PRKN: variants seen among roughly 807,000 people sequenced by gnomAD.
PRKN encodes the protein parkin RBR E3 ubiquitin protein ligase, also known as E3 ubiquitin-protein ligase parkin.
Under a neutral mutation model 59.5 loss-of-function variants are expected in PRKN, and 56 were observed. The observed-to-expected ratio is 0.94, with a 90% confidence interval of 0.76 to 1.18. The LOEUF (loss-of-function observed/expected upper bound fraction) is 1.18, where lower values mean the gene tolerates loss of function less well. PRKN is among the 50% of genes most tolerant of loss of function. The pLI is 0.00. For synonymous variants in PRKN, 250 were observed against 222.1 expected, an observed-to-expected ratio of 1.13 and a Z score of -1.12; for missense variants, 657 against 596.4, an observed-to-expected ratio of 1.10 and a Z score of -1.06.
chr6:161,517,238 G>A (rs1053464567), intron 9 of PRKN, among the ~76,000 whole-genome samples: 2 of 152,146 alleles, frequency 1.3e-5, no homozygotes, highest in African/African-American at 4.8e-5. Flanking sequence ...AGGGTTCCGT[G>A]TGACTGACCT....
chr6:162,263,247 G>A (rs1214733422), intron 2 of PRKN: 7 of 205,244 alleles, frequency 3.4e-5, no homozygotes, highest in South Asian at 1.6e-4. Context: ...ACCTGGCTAC[G>A]AAAAATATTC....
chr6:162,182,962 A>T (rs959751137), intron 4 of PRKN, among the ~76,000 whole-genome samples: 20 of 152,236 alleles, frequency 1.3e-4, no homozygotes, highest in African/African-American at 4.8e-4. Flanking sequence ...GTCATTTCTG[A>T]CACCTTTTTT....
At chr6:161,567,143 C>T (rs1313774839) in intron 8 of PRKN, among the ~76,000 whole-genome samples, 1 of 149,974 alleles carries the variant, frequency 6.7e-6, no homozygotes, top group Non-Finnish European at 1.5e-5. Flanking sequence ...GGTTCAAATG[C>T]TTCCCATGCC....
chr6:162,370,992 C>A (rs1322014680), intron 2 of PRKN, among the ~76,000 whole-genome samples: 2 of 152,192 alleles, frequency 1.3e-5, no homozygotes, highest in East Asian at 3.9e-4. Flanking sequence ...GTCCAGAATG[C>A]TACTGCTATT....
At position 161,497,396 on chromosome 6, in the gene PRKN, C is replaced by T. The variant is rs892526166; in HGVS notation, c.1083+51458G>A. On this transcript the variant is annotated intron_variant, in intron 9 of 11. Transcript: ENST00000366898. The surrounding 1 kb of genome is among the most constrained non-coding windows in gnomAD (Gnocchi z 4.6). ...AAACAGACCCTCTGGCAAAGGTTAT[C>T]CTTTAAAGAAAAAAAAGTTCTTGCT... Among the ~76,000 whole-genome samples, 3 of 152,040 alleles carry T rather than the reference C, an allele frequency of 2.0e-5. No individual in the cohort carries two copies. The highest frequency in any genetic ancestry group is 2.0e-4 in the Admixed American group (3 of 15,266).
intron 5 of PRKN, among the ~76,000 whole-genome samples, chr6:162,008,247 A>G (rs993307190): frequency 6.6e-6 from 1 of 152,170 alleles, no homozygotes; most frequent in Non-Finnish European, 1.5e-5. Context: ...ATAGTGAGAC[A>G]CGGAGACGTG....
chr6:162,651,582 C>A (rs1283877162), intron 1 of PRKN, among the ~76,000 whole-genome samples: 1 of 152,122 alleles, frequency 6.6e-6, no homozygotes, highest in Admixed American at 6.6e-5. Context: ...CACCTCATAA[C>A]CACAAATATT....
intron 7 of PRKN, among the ~76,000 whole-genome samples, chr6:161,752,238 C>T (rs1788726436): frequency 6.6e-6 from 1 of 152,078 alleles, no homozygotes; most frequent in Admixed American, 6.6e-5. Context: ...GGTGTGATAG[C>T]ACGTGCCTGT....
At chr6:162,664,263 C>T (rs747074161) in intron 1 of PRKN, among the ~76,000 whole-genome samples, 3 of 152,092 alleles carry the variant, frequency 2.0e-5, no homozygotes, top group Non-Finnish European at 4.4e-5. Flanking sequence ...ATGGTGTATA[C>T]GTACCGCATT....
chr6:161,639,402 T>C (rs1452502829), intron 7 of PRKN, among the ~76,000 whole-genome samples: 1 of 152,154 alleles, frequency 6.6e-6, no homozygotes, highest in Non-Finnish European at 1.5e-5. Context: ...TCTGGCTTCA[T>C]CTTTCCCCAT....
rs141643571 is a variant in PRKN, at chr6:161,730,426, T to C, written c.871+55346A>G. On this transcript the variant is annotated intron_variant, in intron 7 of 11. Transcript: ENST00000366898. ...GACGTGCTGCATTCTTTCTGATATGTTGCATTCTGATGTGTTGCATTCTTT... is the reference window on the plus strand; with the variant it reads ...GACGTGCTGCATTCTTTCTGATATGCTGCATTCTGATGTGTTGCATTCTTT... Among the ~76,000 whole-genome samples, 13 of 151,224 alleles carry C rather than the reference T, an allele frequency of 8.6e-5. 1 individual carries two copies. Among genetic ancestry groups the C allele is most frequent in the African/African-American group, 2.0e-4 (8 of 40,516 alleles).
intron 6 of PRKN, among the ~76,000 whole-genome samples, chr6:161,918,646 T>C (rs1283114743): frequency 1.3e-5 from 2 of 152,130 alleles, no homozygotes; most frequent in African/African-American, 2.4e-5. Flanking sequence ...ACGAACTCAG[T>C]GGGGTGAGTT....
At chr6:162,128,728 AG>A (rs1230606412) in intron 4 of PRKN, among the ~76,000 whole-genome samples, 1 of 152,216 alleles carries the variant, frequency 6.6e-6, no homozygotes, top group Non-Finnish European at 1.5e-5. Context: ...GGAAGTGATT[AG>A]GTCACAAGGG....
rs149970525 is a variant in PRKN, at chr6:161,517,855, T to C, written c.1083+30999A>G. Among the ~76,000 whole-genome samples the C allele has an allele frequency of 3.8e-3, 574 of 151,820 alleles. 2 individuals are homozygous for C. Among genetic ancestry groups the C allele is most frequent in the African/African-American group, 0.013 (531 of 41,416 alleles). On this transcript the variant is annotated intron_variant, in intron 9 of 11. Coordinates refer to ENST00000366898, the MANE Select transcript of PRKN (RefSeq NM_004562.3). ...AAAGTCAATTTCCTGGTTTTGGTAC[T>C]GTACTCTAGCTATGCAAGAGGTAGC...
intron 2 of PRKN, among the ~76,000 whole-genome samples, chr6:162,369,018 T>C (rs935566525): frequency 2.0e-5 from 3 of 152,194 alleles, no homozygotes; most frequent in East Asian, 1.9e-4. Flanking sequence ...ACCCCATCCA[T>C]ATTTTGGTGA....
chr6:162,119,962 TATC>T (rs1245111867), intron 4 of PRKN, among the ~76,000 whole-genome samples: 1 of 152,186 alleles, frequency 6.6e-6, no homozygotes, highest in African/African-American at 2.4e-5. Context: ...GGGAGAAAGT[TATC>T]ATTATCTTTT....
intron 4 of PRKN, among the ~76,000 whole-genome samples, chr6:162,190,504 C>A (rs1332688964): frequency 6.6e-6 from 1 of 152,202 alleles, no homozygotes. Flanking sequence ...AGATTAAACT[C>A]TCAGTTTGGT....
chr6:162,488,187 T>C (rs1583657835), intron 1 of PRKN, among the ~76,000 whole-genome samples: 1 of 152,154 alleles, frequency 6.6e-6, no homozygotes, highest in African/African-American at 2.4e-5. Context: ...GAAGAATTCC[T>C]GTTACTCTTA....
At position 162,011,720 on chromosome 6, in the gene PRKN, C is replaced by G. The variant is rs1426784374; in HGVS notation, c.619-38303G>C. ...CTGTATTTCAGAGGGTCACTCTGGG[C>G]TAATGACCTTTCTTCAGATTAAATA... is the stretch of plus-strand genomic sequence containing the variant. On this transcript the variant is annotated intron_variant, in intron 5 of 11. Coordinates refer to ENST00000366898, the MANE Select transcript of PRKN (RefSeq NM_004562.3). Among the ~76,000 whole-genome samples the G allele has an allele frequency of 2.7e-5, 4 of 150,498 alleles. No homozygotes were observed. In the East Asian group the frequency reaches 7.8e-4, roughly 29 times the overall value.
Sources: allele counts gnomAD v4.1 joint callset (sites outside exome capture counted in the v4.1 genomes callset), GRCh38; gene constraint gnomAD v4.1.1; non-coding constraint Gnocchi (gnomAD v3.1); transcripts MANE v1.5; gene names NCBI Gene and HGNC (gene_info 2026-07-23, HGNC 2026-07-21).